The following SCFD1 variants were observed in gnomAD, a reference collection of about 807,000 sequenced individuals.
SCFD1 encodes the protein sec1 family domain-containing protein 1.
Under a neutral mutation model 103.2 loss-of-function variants are expected in SCFD1, and 37 were observed. The ratio of observed to expected loss-of-function variants is 0.36; its 90% confidence interval spans 0.28 to 0.47. The LOEUF (loss-of-function observed/expected upper bound fraction) is 0.47, where lower values mean the gene tolerates loss of function less well. Ranked by LOEUF, SCFD1 falls within the 20% of genes least tolerant of loss-of-function variation. The pLI is 1.00. For synonymous variants in SCFD1, 264 were observed against 245.0 expected (o/e 1.08, Z -0.73); for missense variants, 639 against 761.2 (o/e 0.84, Z 1.89).
chr14:30,735,001 C>T (rs1197559853), intron 24 of SCFD1, 143 bp downstream of exon 24: 4 of 606,088 alleles, frequency 6.6e-6, no homozygotes, highest in Non-Finnish European at 8.8e-6. Flanking sequence ...AAGGTGTTTT[C>T]ATGGACGACT....
At chr14:30,681,856 G>C (rs761547847) in intron 14 of SCFD1, among the ~76,000 whole-genome samples, 1 of 152,050 alleles carries the variant, frequency 6.6e-6, no homozygotes. Context: ...TGACTGTTTC[G>C]TATAGCAACT....
intron 19 of SCFD1, among the ~76,000 whole-genome samples, chr14:30,712,173 A>C (rs1414700555): frequency 6.6e-6 from 1 of 152,166 alleles, no homozygotes; most frequent in Admixed American, 6.5e-5. Flanking sequence ...TCTCATCTCC[A>C]GTGTTTCCAG....
intron 11 of SCFD1, among the ~76,000 whole-genome samples, chr14:30,672,067 T>C (rs183202694): frequency 1.3e-5 from 2 of 151,708 alleles, no homozygotes; most frequent in East Asian, 1.9e-4. Context: ...GTTTGATGTA[T>C]AGTAAAATCA....
At chr14:30,674,554 A>C (rs1233737301) in intron 13 of SCFD1, among the ~76,000 whole-genome samples, 1 of 152,154 alleles carries the variant, frequency 6.6e-6, no homozygotes, top group African/African-American at 2.4e-5. Flanking sequence ...AGGCTAAGGC[A>C]GGAGAATCGC....
At chr14:30,707,944 A>G in intron 18 of SCFD1, 46 bp from the exon 19 acceptor site, 9 of 1,233,980 alleles carry the variant, frequency 7.3e-6, no homozygotes, top group African/African-American at 1.5e-5. Flanking sequence ...CAGATTGGAG[A>G]GGCACTTTGT....
At chr14:30,625,676 C>T (rs28499002) in intron 1 of SCFD1, among the ~76,000 whole-genome samples, 2 of 151,318 alleles carry the variant, frequency 1.3e-5, no homozygotes, top group Non-Finnish European at 3.0e-5. Flanking sequence ...GGTATATAGG[C>T]ATATAGGTAT....
intron 19 of SCFD1, among the ~76,000 whole-genome samples, chr14:30,715,064 G>T (rs756576917): frequency 1.8e-4 from 27 of 152,150 alleles, no homozygotes; most frequent in Non-Finnish European, 3.2e-4. Flanking sequence ...AGATGATGCA[G>T]TGCAACATTG....
intron 23 of SCFD1, among the ~76,000 whole-genome samples, chr14:30,726,397 A>G (rs2139426994): frequency 6.6e-6 from 1 of 152,312 alleles, no homozygotes; most frequent in South Asian, 2.1e-4. Flanking sequence ...CAGTTTCCTT[A>G]TACATTTGCT....
At position 30,640,889 on chromosome 14, in the gene SCFD1, AT is replaced by A. The variant is rs536935540; in HGVS notation, c.523+1027del. 3.0e-3 allele frequency among the ~76,000 whole-genome samples: 450 copies of A among 152,286 alleles called. 2 individuals are homozygous for A. The highest frequency in any genetic ancestry group is 0.011 in the African/African-American group (441 of 41,584). ...TTGAAAGATCACATGTTTGAGATTA[AT>A]TACAAATTTCAAAGTGTAATCACAT... On this transcript the variant is annotated intron_variant, in intron 6 of 24. Coordinates refer to ENST00000458591, the MANE Select transcript of SCFD1 (RefSeq NM_016106.4).
At chr14:30,721,284 T>C (rs1006761618) in intron 21 of SCFD1, among the ~76,000 whole-genome samples, 7 of 152,068 alleles carry the variant, frequency 4.6e-5, no homozygotes, top group Non-Finnish European at 7.4e-5. Flanking sequence ...AAGTTGTCCT[T>C]TTAAGTCATA....
intron 10 of SCFD1, among the ~76,000 whole-genome samples, chr14:30,667,849 T>C (rs1888149190): frequency 1.3e-5 from 2 of 152,104 alleles, no homozygotes; most frequent in Admixed American, 6.6e-5. Context: ...TTACAAGGGA[T>C]GTGAAGGACC....
chr14:30,727,686 A>G (rs1214297418), intron 23 of SCFD1, among the ~76,000 whole-genome samples: 2 of 152,064 alleles, frequency 1.3e-5, no homozygotes, highest in Non-Finnish European at 2.9e-5. Context: ...GAGAGTAAAG[A>G]CTTTTCCTCC....
chr14:30,725,239 A>C (rs1892960632), intron 23 of SCFD1, among the ~76,000 whole-genome samples: 1 of 152,166 alleles, frequency 6.6e-6, no homozygotes, highest in Non-Finnish European at 1.5e-5. Flanking sequence ...TGGTGATTTA[A>C]TAGGAATAGC....
chr14:30,713,772 G>A (rs1236910350), intron 19 of SCFD1, among the ~76,000 whole-genome samples: 2 of 152,070 alleles, frequency 1.3e-5, no homozygotes, highest in African/African-American at 2.4e-5. Context: ...TAGAGAAATT[G>A]ATATAAAGCT....
intron 20 of SCFD1, among the ~76,000 whole-genome samples, chr14:30,718,790 G>A (rs1185977108): frequency 6.6e-6 from 1 of 152,202 alleles, no homozygotes; most frequent in Non-Finnish European, 1.5e-5. Context: ...GTTTCTTGGA[G>A]CAAAGTGTTG....
At chr14:30,718,247 A>G (rs1892420187) in intron 20 of SCFD1, among the ~76,000 whole-genome samples, 1 of 152,198 alleles carries the variant, frequency 6.6e-6, no homozygotes, top group Non-Finnish European at 1.5e-5. Flanking sequence ...CCAGAAACCT[A>G]CTACTGCTAT....
intron 12 of SCFD1, among the ~76,000 whole-genome samples, chr14:30,673,576 G>A (rs1198001503): frequency 6.6e-6 from 1 of 152,150 alleles, no homozygotes; most frequent in Admixed American, 6.6e-5. Context: ...AGAGATGTAT[G>A]TTCCAATGCT....
chr14:30,633,869 T>A, intron 3 of SCFD1, 78 bp from the exon 4 acceptor site: 1 of 733,202 alleles, frequency 1.4e-6, no homozygotes. Flanking sequence ...GTCCTTGAGC[T>A]AGTGAACTCC....
At chr14:30,671,738 G>A (rs956954357) in intron 11 of SCFD1, among the ~76,000 whole-genome samples, 3 of 152,172 alleles carry the variant, frequency 2.0e-5, no homozygotes, top group Admixed American at 1.3e-4. Context: ...GTAAAATAGG[G>A]AGATAATAAT....
Sources: allele counts gnomAD v4.1 joint callset (sites outside exome capture counted in the v4.1 genomes callset), GRCh38; gene constraint gnomAD v4.1.1; transcripts MANE v1.5; gene names NCBI Gene and HGNC (gene_info 2026-07-23, HGNC 2026-07-21).